The following GAS2 variants were observed in gnomAD, a reference collection of about 807,000 sequenced individuals.
GAS2 encodes growth arrest specific 2.
A neutral mutation model predicts 37.5 loss-of-function variants in GAS2; 20 were observed. The observed-to-expected ratio is 0.53, with a 90% confidence interval of 0.37 to 0.77. The LOEUF is 0.77. Among genes scored for constraint, GAS2 ranks in the 30% least tolerant of loss-of-function variants. The pLI is 0.00. For synonymous variants in GAS2, 144 were observed against 132.2 expected (o/e 1.09, Z -0.61); for missense variants, 336 against 373.4 (o/e 0.90, Z 0.82).
intron 1 of GAS2, among the ~76,000 whole-genome samples, chr11:22,631,656 C>T (rs1208761934): frequency 3.3e-5 from 5 of 152,084 alleles, no homozygotes; most frequent in African/African-American, 1.2e-4. Context: ...ATTGATTCAT[C>T]CCTGGGATGA....
At chr11:22,661,686 G>A (rs1250879528), upstream of GAS2, among the ~76,000 whole-genome samples, 1 of 152,184 alleles carries the variant, frequency 6.6e-6, no homozygotes, top group Non-Finnish European at 1.5e-5. Flanking sequence ...GAAAGGCATG[G>A]AGGTGTAACG....
At chr11:22,678,147 C>T (rs545164413) in intron 2 of GAS2, among the ~76,000 whole-genome samples, 1 of 152,098 alleles carries the variant, frequency 6.6e-6, no homozygotes, top group South Asian at 2.1e-4. Flanking sequence ...GACTTTAAGT[C>T]GTTACTCTCA....
chr11:22,712,136 G>A (rs186432314), intron 3 of GAS2, among the ~76,000 whole-genome samples: 76 of 152,228 alleles, frequency 5.0e-4, no homozygotes, highest in African/African-American at 1.6e-3. Flanking sequence ...ACCCTGCTTC[G>A]AAGAAGGAAA....
chr11:22,764,675 A>G (rs1263599209), intron 7 of GAS2, among the ~76,000 whole-genome samples: 1 of 152,180 alleles, frequency 6.6e-6, no homozygotes, highest in Non-Finnish European at 1.5e-5. Flanking sequence ...CCAACCGAAT[A>G]ATACATCTGG....
chr11:22,664,102 T>A (rs903229103), upstream of GAS2, among the ~76,000 whole-genome samples: 12 of 152,162 alleles, frequency 7.9e-5, no homozygotes, highest in Non-Finnish European at 1.6e-4. Flanking sequence ...TAACTGCTCC[T>A]TTGAAGCTGT....
At chr11:22,662,170 C>T (rs1026023437), upstream of GAS2, among the ~76,000 whole-genome samples, 1 of 152,136 alleles carries the variant, frequency 6.6e-6, no homozygotes, top group Non-Finnish European at 1.5e-5. Flanking sequence ...AACCTTGAGT[C>T]CAAATGAACC....
At chr11:22,668,778 A>C (rs1849088203) in intron 1 of GAS2, among the ~76,000 whole-genome samples, 1 of 152,200 alleles carries the variant, frequency 6.6e-6, no homozygotes, top group Non-Finnish European at 1.5e-5. Flanking sequence ...TTGGTTGAGA[A>C]GGCATGATGA....
intron 1 of GAS2, among the ~76,000 whole-genome samples, chr11:22,654,926 A>T (rs918383124): frequency 1.3e-5 from 2 of 152,196 alleles, no homozygotes; most frequent in Non-Finnish European, 2.9e-5. Flanking sequence ...CATCAAAGAA[A>T]AAAATATGTA....
chr11:22,773,377 C>G (rs927637819), intron 7 of GAS2, among the ~76,000 whole-genome samples: 1 of 143,134 alleles, frequency 7.0e-6, no homozygotes, highest in African/African-American at 2.6e-5. Context: ...TCCAATGTCA[C>G]ACCTCAATCT....
chr11:22,796,989 A>G (rs914439740), intron 7 of GAS2, among the ~76,000 whole-genome samples: 8 of 152,074 alleles, frequency 5.3e-5, no homozygotes, highest in Non-Finnish European at 1.0e-4. Context: ...CCTTCCTCTG[A>G]CACCAACATT....
intron 3 of GAS2, among the ~76,000 whole-genome samples, chr11:22,711,912 T>C (rs1851422949): frequency 6.6e-6 from 1 of 152,136 alleles, no homozygotes; most frequent in Non-Finnish European, 1.5e-5. Context: ...ATGGTTTTTC[T>C]TTGCCCACCT....
At position 22,738,737 on chromosome 11, in the gene GAS2, C is replaced by A. The variant is rs185944404; in HGVS notation, c.473+969C>A. 8.0e-3 allele frequency among the ~76,000 whole-genome samples: 1,211 copies of A among 152,264 alleles called. 19 individuals are homozygous for A. The highest frequency in any genetic ancestry group is 0.028 in the African/African-American group (1,157 of 41,560). On this transcript the variant is annotated intron_variant, in intron 5 of 7. Coordinates refer to ENST00000454584, the MANE Select transcript of GAS2 (RefSeq NM_001143830.3). ...AGAAAACTTGCTGCCAATTAATAGA[C>A]CTTTCTTTGATCCAATAGAAAATTA...
At chr11:22,649,540 C>G (rs1590569516) in intron 1 of GAS2, among the ~76,000 whole-genome samples, 2 of 152,228 alleles carry the variant, frequency 1.3e-5, no homozygotes, top group African/African-American at 4.8e-5. Context: ...GTGAATCCAT[C>G]TGGTCCTGGA....
rs554157089 is a variant in GAS2, at chr11:22,727,669, T to C, written c.409+1236T>C. On this transcript the variant is annotated intron_variant, in intron 4 of 7. Coordinates refer to ENST00000454584, the MANE Select transcript of GAS2 (RefSeq NM_001143830.3). ...TCTCACAGTAGTCTGCTTTACACAA[T>C]AGTGTGCTCATGAAATGCTCAGTAA... is the stretch of plus-strand genomic sequence containing the variant. Among the ~76,000 whole-genome samples the C allele has an allele frequency of 2.1e-3, 317 of 152,100 alleles. 2 individuals are homozygous for C. Among genetic ancestry groups the C allele is most frequent in the African/African-American group, 7.1e-3 (296 of 41,538 alleles).
intron 1 of GAS2, among the ~76,000 whole-genome samples, chr11:22,656,164 A>G (rs1231680826): frequency 6.6e-6 from 1 of 152,212 alleles, no homozygotes; most frequent in Non-Finnish European, 1.5e-5. Flanking sequence ...AAACCACAGC[A>G]TATACTAGTT....
intron 3 of GAS2, among the ~76,000 whole-genome samples, chr11:22,710,517 GTGTA>G (rs1486439233): frequency 2.3e-5 from 3 of 129,480 alleles, no homozygotes; most frequent in Non-Finnish European, 3.5e-5. Flanking sequence ...GTGTGTCTGT[GTGTA>G]TATATATATA....
intron 5 of GAS2, among the ~76,000 whole-genome samples, chr11:22,741,711 G>A (rs943092009): frequency 3.9e-5 from 6 of 152,072 alleles, no homozygotes; most frequent in African/African-American, 1.4e-4. Context: ...CCTATTTAAA[G>A]CACTTGAACT....
At chr11:22,663,474 A>C (rs1209339988), upstream of GAS2, among the ~76,000 whole-genome samples, 2 of 152,184 alleles carry the variant, frequency 1.3e-5, no homozygotes, top group African/African-American at 4.8e-5. Flanking sequence ...TATTTCACAA[A>C]ATGATTTTTA....
chr11:22,687,153 C>A (rs1175295537), intron 3 of GAS2, among the ~76,000 whole-genome samples: 1 of 151,920 alleles, frequency 6.6e-6, no homozygotes, highest in Non-Finnish European at 1.5e-5. Flanking sequence ...GACAAAGCAC[C>A]ATCTGTAAGA....
Sources: allele counts gnomAD v4.1 joint callset (sites outside exome capture counted in the v4.1 genomes callset), GRCh38; gene constraint gnomAD v4.1.1; transcripts MANE v1.5; gene names NCBI Gene and HGNC (gene_info 2026-07-23, HGNC 2026-07-21).